THSD4: variants seen among roughly 807,000 people sequenced by gnomAD.
The protein encoded by THSD4 is thrombospondin type-1 domain-containing protein 4.
Under a neutral mutation model 119.0 loss-of-function variants are expected in THSD4, and 69 were observed. The observed-to-expected ratio is 0.58, with a 90% CI of 0.48 to 0.71. The LOEUF (loss-of-function observed/expected upper bound fraction) is 0.71, where lower values mean the gene tolerates loss of function less well. THSD4 is among the 30% of genes least tolerant of loss of function. The pLI is 0.00. For synonymous variants in THSD4, 524 were observed against 540.4 expected (o/e 0.97, Z 0.42); for missense variants, 1,393 against 1,391.1 (o/e 1.00, Z -0.02).
At chr15:71,577,659 T>A (rs1402367045) in intron 7 of THSD4, among the ~76,000 whole-genome samples, 1 of 143,748 alleles carries the variant, frequency 7.0e-6, no homozygotes, top group Non-Finnish European at 1.5e-5. Flanking sequence ...CTCTAAGGGG[T>A]CTGTCTTGGC....
At chr15:71,507,572 G>T (rs535627927) in intron 7 of THSD4, among the ~76,000 whole-genome samples, 1 of 152,184 alleles carries the variant, frequency 6.6e-6, no homozygotes, top group Non-Finnish European at 1.5e-5. Flanking sequence ...AGTTTGAAAG[G>T]TGGGGGCTGA....
At chr15:71,520,712 A>G (rs1595852445) in intron 7 of THSD4, among the ~76,000 whole-genome samples, 1 of 152,106 alleles carries the variant, frequency 6.6e-6, no homozygotes, top group Non-Finnish European at 1.5e-5. Context: ...GTCTTATGAC[A>G]TGGCTACTAT....
At chr15:71,566,365 G>A (rs2049240328) in intron 7 of THSD4, among the ~76,000 whole-genome samples, 1 of 152,032 alleles carries the variant, frequency 6.6e-6, no homozygotes, top group South Asian at 2.1e-4. Context: ...CTTAATTCAG[G>A]ATCAGCCCAC....
chr15:71,739,985 T>C (rs7164983), intron 11 of THSD4, among the ~76,000 whole-genome samples: 7,292 of 152,228 alleles, frequency 0.048, 582 homozygotes, highest in African/African-American at 0.17. Flanking sequence ...TTAGTGGCTT[T>C]TGAGAATAGA....
intron 7 of THSD4, among the ~76,000 whole-genome samples, chr15:71,585,616 T>A (rs888416722): frequency 2.6e-5 from 4 of 152,222 alleles, no homozygotes; most frequent in Non-Finnish European, 5.9e-5. Flanking sequence ...GGATGCTGAA[T>A]ATCCTTCCCA....
At chr15:71,290,875 CTTTTTTTTT>C (rs11438956) in intron 6 of THSD4, among the ~76,000 whole-genome samples, 2 of 129,476 alleles carry the variant, frequency 1.5e-5, no homozygotes, top group African/African-American at 2.9e-5. Context: ...TCCTTTTTTC[CTTTTTTTTT>C]TTTTTTTTGT....
Position 71,243,051 on chromosome 15 carries a change from C to T in THSD4, c.867C>T (p.Ile289=), listed in dbSNP as rs1164694879. ...SFSQPARSTA[I]SCIGAYRQYK... ...CTCAGCCTGCCCGATCTACAGCAAT[C>T]TCATGCATCGGGGCCTATCGGCAGT... The change falls in exon 5 of 18, where the codon ATC becomes ATT. Residue 289 remains isoleucine, a synonymous_variant. Transcript: ENST00000261862. 6.2e-7 allele frequency: 1 copy of T among 1,614,074 alleles called. No homozygotes were observed. Among genetic ancestry groups the T allele is most frequent in the African/African-American group, 1.3e-5 (1 of 74,936 alleles).
intron 6 of THSD4, among the ~76,000 whole-genome samples, chr15:71,364,279 G>C (rs912246461): frequency 5.3e-5 from 8 of 152,234 alleles, no homozygotes; most frequent in Non-Finnish European, 1.0e-4. Context: ...CACTGGGCAA[G>C]TCTGGACAAG....
chr15:71,471,082 A>G (rs2047571552), intron 7 of THSD4, among the ~76,000 whole-genome samples: 1 of 152,214 alleles, frequency 6.6e-6, no homozygotes. Context: ...GTTTTGGGAT[A>G]ACCCCTTGGC....
intron 7 of THSD4, among the ~76,000 whole-genome samples, chr15:71,624,055 C>G (rs76396975): frequency 0.02 from 3,033 of 152,246 alleles, 97 homozygotes; most frequent in African/African-American, 0.066. Flanking sequence ...AGGAGGTCTA[C>G]TAGGGAGAGT....
intron 7 of THSD4, among the ~76,000 whole-genome samples, chr15:71,657,724 C>T (rs1255244715): frequency 1.3e-5 from 2 of 152,164 alleles, no homozygotes; most frequent in Non-Finnish European, 2.9e-5. Flanking sequence ...CTGAAACCAA[C>T]CTCCAGGCTA....
intron 6 of THSD4, among the ~76,000 whole-genome samples, chr15:71,373,982 G>GT (rs2046096619): frequency 6.6e-6 from 1 of 152,196 alleles, no homozygotes; most frequent in Non-Finnish European, 1.5e-5. Context: ...CCCTCAGGAT[G>GT]TTATGTGAAC....
chr15:71,205,083 C>T (rs1417192314), intron 3 of THSD4, among the ~76,000 whole-genome samples: 1 of 152,110 alleles, frequency 6.6e-6, no homozygotes, highest in Admixed American at 6.6e-5. Flanking sequence ...AATGCATATT[C>T]CTGGGCCTTT....
At chr15:71,654,720 T>C (rs111421664) in intron 7 of THSD4, among the ~76,000 whole-genome samples, 3,380 of 152,330 alleles carry the variant, frequency 0.022, 62 homozygotes, top group Non-Finnish European at 0.03. Context: ...TATAAGTAAA[T>C]TGGTGTCAGC....
intron 3 of THSD4, among the ~76,000 whole-genome samples, chr15:71,213,181 G>A (rs2043901503): frequency 6.6e-6 from 1 of 152,140 alleles, no homozygotes; most frequent in Non-Finnish European, 1.5e-5. Flanking sequence ...TCCAGCTTCT[G>A]GTGGCTCCAG....
At position 71,779,413 on chromosome 15, in the gene THSD4, T is replaced by G. The variant is rs28666969; in HGVS notation, c.*2039T>G. ...CTGTATGTGGCTGCTCTCAGATCTT[T>G]CCAAGCAAGCCAGTCATTTGAAGAG... On this transcript the variant is annotated 3_prime_UTR_variant, in exon 18 of 18. Coordinates refer to ENST00000261862, the MANE Select transcript of THSD4 (RefSeq NM_024817.3). The G allele has an allele frequency of 0.039, 5,880 of 152,336 alleles. 393 individuals carry two copies. The highest frequency in any genetic ancestry group is 0.14 in the African/African-American group (5,654 of 41,556). 9.4% of individuals were successfully genotyped at this position (152,336 alleles called of 1,614,324 possible).
intron 6 of THSD4, among the ~76,000 whole-genome samples, chr15:71,402,120 G>A (rs2046543656): frequency 6.6e-6 from 1 of 150,758 alleles, no homozygotes; most frequent in South Asian, 2.1e-4. Flanking sequence ...GGGGATGGGG[G>A]AGGGATAGCC....
intron 7 of THSD4, among the ~76,000 whole-genome samples, chr15:71,630,000 G>T (rs2050592345): frequency 6.6e-6 from 1 of 152,112 alleles, no homozygotes. Context: ...GGCCGGCTTT[G>T]CTCCTCCTGT....
chr15:71,384,730 C>G (rs962564696), intron 6 of THSD4, among the ~76,000 whole-genome samples: 4 of 152,166 alleles, frequency 2.6e-5, no homozygotes, highest in African/African-American at 9.7e-5. Flanking sequence ...AGTGCAGTGC[C>G]GTTCATTTGG....
Sources: gnomAD v4.1 joint callset for allele counts (sites outside exome capture counted in the v4.1 genomes callset) on GRCh38, gnomAD v4.1.1 for gene constraint, MANE v1.5 for transcripts, NCBI Gene and HGNC (gene_info 2026-07-23, HGNC 2026-07-21) for gene names.